The following ABHD2 variants were observed in gnomAD, a reference collection of about 807,000 sequenced individuals.
ABHD2 encodes abhydrolase domain containing 2, acylglycerol lipase.
ABHD2 carries 20 observed loss-of-function variants against 48.1 expected under a neutral mutation model. That is an observed-to-expected ratio of 0.42 (90% confidence interval 0.29 to 0.60). ABHD2 has a LOEUF of 0.60. ABHD2 is among the 20% of genes least tolerant of loss of function. ABHD2 has a pLI of 0.24. For synonymous variants in ABHD2, 209 were observed against 214.2 expected, an observed-to-expected ratio of 0.98 and a Z score of 0.21; for missense variants, 405 against 550.9, an observed-to-expected ratio of 0.74 and a Z score of 2.65.
the ABHD2 span, among the ~76,000 whole-genome samples, chr15:89,065,364 A>G: frequency 2.0e-5 from 3 of 152,180 alleles, no homozygotes; most frequent in Non-Finnish European, 4.4e-5. Flanking sequence ...ACACCATATT[A>G]GGAGGCTTCA....
chr15:89,045,702 G>T, the ABHD2 span, among the ~76,000 whole-genome samples: 1 of 152,216 alleles, frequency 6.6e-6, no homozygotes, highest in Admixed American at 6.5e-5. Flanking sequence ...CTCTCTGTCT[G>T]TTGTTGGTGT....
At chr15:89,082,278 T>C in the ABHD2 span, among the ~76,000 whole-genome samples, 2 of 152,192 alleles carry the variant, frequency 1.3e-5, no homozygotes, top group Non-Finnish European at 2.9e-5. The surrounding 1 kb of genome is among the most constrained non-coding windows in gnomAD (Gnocchi z 4.4). Flanking sequence ...AAATTATCAA[T>C]GTGGTTTGCA....
At chr15:89,089,734 C>G (rs1901518076) in intron 1 of ABHD2, among the ~76,000 whole-genome samples, 1 of 152,218 alleles carries the variant, frequency 6.6e-6, no homozygotes, top group African/African-American at 2.4e-5. Flanking sequence ...AAATCCTTCA[C>G]TACCCTCTGT....
the ABHD2 span, among the ~76,000 whole-genome samples, chr15:89,054,124 C>A: frequency 5.3e-5 from 8 of 152,060 alleles, no homozygotes; most frequent in Non-Finnish European, 1.2e-4. Flanking sequence ...GAGTTCAAGA[C>A]CAGCCTAGCC....
the ABHD2 span, among the ~76,000 whole-genome samples, chr15:89,079,379 A>T: frequency 2.6e-5 from 4 of 152,196 alleles, no homozygotes; most frequent in Non-Finnish European, 5.9e-5. This position sits in a 1 kb window ranked among gnomAD's most constrained non-coding sequence, Gnocchi z 4.3. Flanking sequence ...TCCTATGGTA[A>T]CTTGTGTTTC....
rs994104222 is a variant in ABHD2, at chr15:89,097,674, G to A, written c.-107+9111G>A. 6.6e-6 allele frequency among the ~76,000 whole-genome samples: 1 copy of A among 152,066 alleles called. No individual in the cohort carries two copies. Among genetic ancestry groups the A allele is most frequent in the African/African-American group, 2.4e-5 (1 of 41,380 alleles). On this transcript the variant is annotated intron_variant, in intron 1 of 10. Transcript: ENST00000352732. The surrounding 1 kb of genome is among the most constrained non-coding windows in gnomAD (Gnocchi z 4.2). ...CATTCATGTGTTATAACATTCAAAA[G>A]GTACAACATAGTAAAGAGTGGAAAA...
intron 3 of ABHD2, among the ~76,000 whole-genome samples, chr15:89,150,815 G>T (rs901626272): frequency 6.6e-6 from 1 of 152,210 alleles, no homozygotes; most frequent in South Asian, 2.1e-4. Context: ...ACAAATCCTG[G>T]ACAACCATCA....
intron 3 of ABHD2, among the ~76,000 whole-genome samples, chr15:89,148,854 TTCAG>T (rs2050542209): frequency 6.6e-6 from 1 of 152,256 alleles, no homozygotes; most frequent in Non-Finnish European, 1.5e-5. Context: ...GCAGCATTTC[TTCAG>T]TATTTATATG....
At chr15:89,121,400 T>G (rs2050048860) in intron 3 of ABHD2, among the ~76,000 whole-genome samples, 1 of 151,582 alleles carries the variant, frequency 6.6e-6, no homozygotes, top group South Asian at 2.1e-4. Flanking sequence ...GTGCTTGTCT[T>G]CTTCTAACTA....
intron 2 of ABHD2, among the ~76,000 whole-genome samples, chr15:89,115,854 G>A (rs1209519270): frequency 3.9e-5 from 6 of 152,096 alleles, no homozygotes; most frequent in African/African-American, 1.2e-4. Flanking sequence ...TCTGTTCAAG[G>A]CTGTAAACAC....
At chr15:89,061,345 G>C in the ABHD2 span, among the ~76,000 whole-genome samples, 1 of 152,056 alleles carries the variant, frequency 6.6e-6, no homozygotes, top group Non-Finnish European at 1.5e-5. Context: ...TTGAACCCGG[G>C]AGGTAGATGT....
At chr15:89,121,953 A>G (rs1021404166) in intron 3 of ABHD2, among the ~76,000 whole-genome samples, 5 of 152,128 alleles carry the variant, frequency 3.3e-5, no homozygotes, top group African/African-American at 1.2e-4. Context: ...CTGTCTCCCA[A>G]GTAGCTGGGA....
rs1432299221 is a variant in ABHD2, at chr15:89,186,487, C to G, written c.815+971C>G. ...TTCCTGTGTCCCCTGGCCTCTGCCA[C>G]ACTACTTACTGCCCTTGCTGAGAAT... On this transcript the variant is annotated intron_variant, in intron 7 of 10. Coordinates refer to ENST00000352732, the MANE Select transcript of ABHD2 (RefSeq NM_152924.5). The surrounding 1 kb of genome is among the most constrained non-coding windows in gnomAD (Gnocchi z 4.3). Among the ~76,000 whole-genome samples the G allele has an allele frequency of 2.6e-5, 4 of 152,158 alleles. No homozygotes were observed. The highest frequency in any genetic ancestry group is 4.8e-5 in the African/African-American group (2 of 41,420).
intron 1 of ABHD2, among the ~76,000 whole-genome samples, chr15:89,101,829 A>G (rs1050052232): frequency 1.3e-5 from 2 of 152,190 alleles, no homozygotes; most frequent in African/African-American, 4.8e-5. Context: ...AGATGCCATC[A>G]AGGGCTTGCA....
At position 89,180,121 on chromosome 15, in the gene ABHD2, CCAAA is replaced by C. The variant is rs1203884741; in HGVS notation, c.722+4131_722+4134del. ...TGCCATCAGTAATTTTGAATCACAG[CCAAA>C]CAAAGAGGGGGAAACTGCAGCGTTT... On this transcript the variant is annotated intron_variant, in intron 6 of 10. Transcript: ENST00000352732. Among the ~76,000 whole-genome samples, 4 of 152,272 alleles carry C rather than the reference CCAAA, an allele frequency of 2.6e-5. No individual in the cohort carries two copies. The East Asian group carries it at 7.7e-4, about 29-fold the overall frequency.
chr15:89,158,315 C>T (rs143057320), intron 5 of ABHD2, among the ~76,000 whole-genome samples: 4 of 152,288 alleles, frequency 2.6e-5, no homozygotes, highest in South Asian at 2.1e-4. Flanking sequence ...ATCTGGCTGC[C>T]GGAATCATCT....
rs180761098 is a variant in ABHD2 at position 89,201,119 on chromosome 15, A to G, written c.*5696A>G. ...AAGGAATCCAGTGAAAATGGCTGCA[A>G]TTACAACAAGAAGTGAAGGAAGAAG... is the stretch of plus-strand genomic sequence containing the variant. On this transcript the variant is annotated 3_prime_UTR_variant, in exon 11 of 11. Coordinates refer to ENST00000352732, the MANE Select transcript of ABHD2 (RefSeq NM_152924.5). 1.2e-4 allele frequency: 137 copies of G among 1,135,842 alleles called. 1 individual carries two copies. The African/African-American group carries it at 1.9e-3, about 16-fold the overall frequency. The allele number at this position is 1,135,842 out of a possible 1,614,324, so 70.4% of individuals were successfully genotyped here. A position where few individuals can be genotyped will look rare whatever the true frequency, so the allele number is the denominator to read the frequency against.
At chr15:89,083,495 C>T (rs1038836013), upstream of ABHD2, among the ~76,000 whole-genome samples, 5 of 152,164 alleles carry the variant, frequency 3.3e-5, no homozygotes, top group South Asian at 2.1e-4. The surrounding 1 kb of genome is among the most constrained non-coding windows in gnomAD (Gnocchi z 5.1). Flanking sequence ...CGTGCACGTG[C>T]GTGTATGTGT....
chr15:89,146,196 A>G lies in ABHD2; in HGVS notation c.195-5481A>G, dbSNP rs1567089754. Among the ~76,000 whole-genome samples the G allele has an allele frequency of 1.3e-5, 2 of 152,206 alleles. No homozygotes were observed. The highest frequency in any genetic ancestry group is 2.4e-5 in the African/African-American group (1 of 41,440). On this transcript the variant is annotated intron_variant, in intron 3 of 10. Coordinates refer to ENST00000352732, the MANE Select transcript of ABHD2 (RefSeq NM_152924.5). The surrounding 1 kb of genome is among the most constrained non-coding windows in gnomAD (Gnocchi z 4.2). ...TGAGTTTAATCACTAGCTATAAAAT[A>G]GTTTGATTTACAGCCAAGGAACTTA... is the stretch of plus-strand genomic sequence containing the variant.
Sources: gnomAD v4.1 joint callset for allele counts (sites outside exome capture counted in the v4.1 genomes callset) on GRCh38, gnomAD v4.1.1 for gene constraint, Gnocchi (gnomAD v3.1) non-coding constraint, MANE v1.5 for transcripts, NCBI Gene and HGNC (gene_info 2026-07-23, HGNC 2026-07-21) for gene names.